The following PCDH15 variants were observed in gnomAD, a reference collection of about 807,000 sequenced individuals.
PCDH15 encodes protocadherin-15.
Under a neutral mutation model 178.5 loss-of-function variants are expected in PCDH15, and 129 were observed. That is an observed-to-expected ratio of 0.72 (90% CI 0.63 to 0.84). The LOEUF is 0.84. Among genes scored for constraint, PCDH15 ranks in the 40% least tolerant of loss-of-function variants. PCDH15 has a pLI of 0.00. For missense variants in PCDH15, 2,230 were observed against 2,099.9 expected (o/e 1.06, Z -1.21); for synonymous variants, 800 against 732.0 (o/e 1.09, Z -1.50).
intron 2 of PCDH15, among the ~76,000 whole-genome samples, chr10:55,116,047 T>G (rs902510270): frequency 2.6e-5 from 4 of 152,164 alleles, no homozygotes; most frequent in African/African-American, 7.2e-5. Context: ...TTACCCTATT[T>G]AAATAAATTT....
At chr10:53,979,589 C>T (rs565631943) in intron 21 of PCDH15, among the ~76,000 whole-genome samples, 357 of 152,324 alleles carry the variant, frequency 2.3e-3, no homozygotes, top group African/African-American at 7.6e-3. Context: ...TTCTCATATT[C>T]GTCTCTCAAG....
At position 54,386,092 on chromosome 10, in the gene PCDH15, GTTA is replaced by G. The variant is rs1340319717; in HGVS notation, c.158-7153_158-7151del. Among the ~76,000 whole-genome samples, 19 of 130,918 alleles carry G rather than the reference GTTA, an allele frequency of 1.5e-4. No individual in the cohort carries two copies. In the East Asian group the frequency reaches 2.0e-3, roughly 14 times the overall value. The allele number at this position is 130,918 out of a possible 152,430, so 85.9% of individuals were successfully genotyped here. On this transcript the variant is annotated intron_variant, in intron 3 of 37. Transcript: ENST00000644397. ...GTATCCTACTACTTTGCTGAATTTAGTTATTAGTTGTGTGTGTGTGTGTGTGTG... is the reference window on the plus strand; with the variant it reads ...GTATCCTACTACTTTGCTGAATTTAGTTAGTTGTGTGTGTGTGTGTGTGTG...
chr10:54,079,241 A>C, intron 17 of PCDH15, 90 bp downstream of exon 17: 1 of 1,272,838 alleles, frequency 7.9e-7, no homozygotes, highest in Non-Finnish European at 1.2e-6. Flanking sequence ...CAGATGAAAA[A>C]CATTAATTCA....
intron 2 of PCDH15, among the ~76,000 whole-genome samples, chr10:55,044,173 A>T (rs1422846925): frequency 6.6e-6 from 1 of 152,158 alleles, no homozygotes; most frequent in Non-Finnish European, 1.5e-5. Context: ...CAATCTCCTC[A>T]TAAACAAGAA....
At chr10:54,613,342 C>T (rs1055480914) in intron 2 of PCDH15, among the ~76,000 whole-genome samples, 4 of 151,798 alleles carry the variant, frequency 2.6e-5, no homozygotes, top group African/African-American at 4.8e-5. Context: ...GACAATTGTT[C>T]AGGAAGTTCA....
At chr10:54,329,453 T>C (rs1305581354) in intron 7 of PCDH15, 143 bp downstream of exon 7, 3 of 637,536 alleles carry the variant, frequency 4.7e-6, no homozygotes, top group Non-Finnish European at 5.6e-6. Context: ...TCTATAAGAG[T>C]ATTATATATA....
At chr10:54,853,815 C>T (rs770195408) in intron 3 of PCDH15, among the ~76,000 whole-genome samples, 14 of 152,094 alleles carry the variant, frequency 9.2e-5, no homozygotes, top group Admixed American at 3.9e-4. Context: ...ACAAAACGTT[C>T]TTTTCAAGTT....
chr10:54,983,488 C>T (rs1188458122), intron 2 of PCDH15, among the ~76,000 whole-genome samples: 1 of 152,040 alleles, frequency 6.6e-6, no homozygotes, highest in Non-Finnish European at 1.5e-5. Flanking sequence ...GGAAATAGAG[C>T]TTAGCAAGTT....
At chr10:54,731,563 T>TATATATATATATATATATATAC in intron 1 of PCDH15, among the ~76,000 whole-genome samples, 19 of 49,912 alleles carry the variant, frequency 3.8e-4, no homozygotes, top group Non-Finnish European at 8.5e-4. Flanking sequence ...TATATATATA[T>TATATATATATATATATATATAC]ACACACACAC....
chr10:54,423,220 A>T (rs1955781548), intron 3 of PCDH15, among the ~76,000 whole-genome samples: 1 of 152,170 alleles, frequency 6.6e-6, no homozygotes, highest in Non-Finnish European at 1.5e-5. Flanking sequence ...TCCCCCTGCC[A>T]GCAGATCACT....
At chr10:54,373,866 A>G (rs955404821) in intron 4 of PCDH15, among the ~76,000 whole-genome samples, 2 of 152,070 alleles carry the variant, frequency 1.3e-5, no homozygotes, top group Non-Finnish European at 2.9e-5. Context: ...ATAGCACTGG[A>G]TAACAGTGAT....
chr10:54,898,626 C>G (rs1445174302), intron 2 of PCDH15, among the ~76,000 whole-genome samples: 1 of 152,038 alleles, frequency 6.6e-6, no homozygotes, highest in Non-Finnish European at 1.5e-5. Flanking sequence ...AATTTTCTAT[C>G]CAATAAATAC....
intron 15 of PCDH15, among the ~76,000 whole-genome samples, chr10:54,110,106 C>T (rs1040725166): frequency 2.0e-5 from 3 of 151,794 alleles, no homozygotes; most frequent in Non-Finnish European, 4.4e-5. Context: ...AGTTTGTCTG[C>T]GTGGTTGTCG....
chr10:54,045,560 A>G (rs2093637922), intron 18 of PCDH15, among the ~76,000 whole-genome samples: 1 of 152,112 alleles, frequency 6.6e-6, no homozygotes, highest in Admixed American at 6.6e-5. Context: ...AACCAACACA[A>G]TAGAATAGAG....
At chr10:54,362,162 CTTA>C (rs570726257) in intron 5 of PCDH15, among the ~76,000 whole-genome samples, 25 of 152,098 alleles carry the variant, frequency 1.6e-4, no homozygotes, top group Non-Finnish European at 3.1e-4. Context: ...TTATAATTCA[CTTA>C]TTATTGTAAA....
chr10:55,100,586 A>G (rs2132045360), intron 2 of PCDH15, among the ~76,000 whole-genome samples: 1 of 152,252 alleles, frequency 6.6e-6, no homozygotes, highest in Admixed American at 6.5e-5. Context: ...AAGGGGAGCT[A>G]CTGTGTGCAG....
At chr10:54,599,596 G>GA in intron 2 of PCDH15, 2 of 309,550 alleles carry the variant, frequency 6.5e-6, no homozygotes, top group South Asian at 6.5e-5. Context: ...CATAAGATCT[G>GA]ACAAAGATTT....
intron 1 of PCDH15, among the ~76,000 whole-genome samples, chr10:54,785,370 C>T (rs1433664209): frequency 1.3e-4 from 19 of 151,938 alleles, no homozygotes; most frequent in Admixed American, 1.2e-3. Context: ...TCCCCTCCTC[C>T]TTTCTTAAGC....
intron 18 of PCDH15, 33 bp from the exon 19 acceptor site, chr10:54,023,230 A>T (rs748331243): frequency 6.3e-7 from 1 of 1,597,518 alleles, no homozygotes; most frequent in Non-Finnish European, 8.5e-7. Context: ...AAAAAAATTC[A>T]CGTAAGTTTT....
Sources: gnomAD v4.1 joint callset for allele counts (sites outside exome capture counted in the v4.1 genomes callset) on GRCh38, gnomAD v4.1.1 for gene constraint, MANE v1.5 for transcripts, NCBI Gene and HGNC (gene_info 2026-07-23, HGNC 2026-07-21) for gene names.